Variants in PAK2 observed in about 807,000 individuals in gnomAD.
PAK2 encodes the protein p21 (RAC1) activated kinase 2.
A neutral mutation model predicts 65.9 loss-of-function variants in PAK2; 21 were observed. The ratio of observed to expected loss-of-function variants is 0.32; its 90% CI spans 0.23 to 0.46. The LOEUF is 0.46. PAK2 is among the 20% of genes least tolerant of loss of function. The pLI is 1.00. For missense variants in PAK2, 324 were observed against 642.6 expected, an observed-to-expected ratio of 0.50 and a Z score of 5.36; for synonymous variants, 204 against 219.7, an observed-to-expected ratio of 0.93 and a Z score of 0.63.
At chr3:196,787,504 G>T (rs113067994) in intron 2 of PAK2, among the ~76,000 whole-genome samples, 3,574 of 151,876 alleles carry the variant, frequency 0.024, 72 homozygotes, top group Non-Finnish European at 0.033. Context: ...GTGTGGACCC[G>T]GGAGGCAGAG....
intron 13 of PAK2, among the ~76,000 whole-genome samples, chr3:196,825,378 T>C (rs976584771): frequency 6.7e-5 from 10 of 148,310 alleles, no homozygotes; most frequent in Admixed American, 2.0e-4. Context: ...ATGCAGTGGC[T>C]CACACCTGTA....
intron 14 of PAK2, 141 bp downstream of exon 14, chr3:196,827,474 C>G: frequency 6.8e-7 from 1 of 1,477,334 alleles, no homozygotes; most frequent in South Asian, 1.4e-5. Flanking sequence ...AGGGTTTCAT[C>G]CTACCATGCT....
chr3:196,812,115 GTTCTTTAA>G, intron 8 of PAK2, 96 bp from the exon 9 acceptor site: 1 of 740,380 alleles, frequency 1.4e-6, no homozygotes, highest in South Asian at 1.5e-5. Context: ...AGGTCATCCT[GTTCTTTAA>G]TTCTTTTTCA....
At chr3:196,809,590 C>G (rs1029149329) in intron 7 of PAK2, among the ~76,000 whole-genome samples, 3 of 150,884 alleles carry the variant, frequency 2.0e-5, no homozygotes, top group African/African-American at 7.3e-5. Context: ...GCATGAGTCA[C>G]CACACCTGGC....
intron 2 of PAK2, among the ~76,000 whole-genome samples, chr3:196,795,553 A>G (rs1444884209): frequency 6.6e-6 from 1 of 152,140 alleles, no homozygotes; most frequent in Non-Finnish European, 1.5e-5. Flanking sequence ...CTCATTATAT[A>G]TATAGGACGA....
intron 13 of PAK2, among the ~76,000 whole-genome samples, chr3:196,825,595 A>T (rs187457662): frequency 2.1e-4 from 32 of 152,140 alleles, no homozygotes; most frequent in Admixed American, 3.3e-4. Flanking sequence ...TCGAGCTGAG[A>T]TCGTGCCATT....
In PAK2 at chr3:196,827,522, A is replaced by G. The variant is rs369749644; in HGVS notation, c.1488+189A>G. 17 of 731,166 alleles carry G rather than the reference A, an allele frequency of 2.3e-5. No homozygotes were observed. In the East Asian group the frequency reaches 9.2e-4, roughly 39 times the overall value. 45.3% of individuals were successfully genotyped at this position (731,166 alleles called of 1,614,324 possible). ...GCAAGGACAGAAAACCAAACACTGCATGTTCCCACTCATAGGTGGGAATTG... is the reference window on the plus strand; with the variant it reads ...GCAAGGACAGAAAACCAAACACTGCGTGTTCCCACTCATAGGTGGGAATTG... On this transcript the variant is annotated intron_variant, in intron 14 of 14. Coordinates refer to ENST00000327134, the MANE Select transcript of PAK2 (RefSeq NM_002577.4).
chr3:196,742,667 C>A (rs187152181), intron 1 of PAK2, among the ~76,000 whole-genome samples: 4,742 of 152,228 alleles, frequency 0.031, 126 homozygotes, highest in Non-Finnish European at 0.043. Context: ...GTAATCCCAG[C>A]ACTTTGGGAG....
chr3:196,820,441 C>T lies in PAK2; in HGVS notation c.1224C>T (p.Tyr408=), dbSNP rs1372584225. The part of the protein sequence containing the change: ...SKRSTMVGTP[Y]WMAPEVVTRK... ...GCAGTACCATGGTCGGAACGCCATA[C>T]TGGATGGCACCAGAGGTGGTTACAC... The change falls in exon 13 of 15, where the codon TAC becomes TAT. Residue 408 remains tyrosine, a synonymous_variant. Coordinates refer to ENST00000327134, the MANE Select transcript of PAK2 (RefSeq NM_002577.4). This position sits in a 1 kb window ranked among gnomAD's most constrained non-coding sequence, Gnocchi z 4.6. 6.2e-7 allele frequency: 1 copy of T among 1,613,128 alleles called. No individual in the cohort carries two copies. Among genetic ancestry groups the T allele is most frequent in the East Asian group, 2.2e-5 (1 of 44,860 alleles).
intron 8 of PAK2, 67 bp from the exon 9 acceptor site, chr3:196,812,152 T>A: frequency 1.1e-6 from 1 of 887,722 alleles, no homozygotes. Context: ...AAGTGTAAAG[T>A]CTTTGGATAT....
At chr3:196,744,454 A>G (rs1172278818) in intron 1 of PAK2, among the ~76,000 whole-genome samples, 1 of 152,170 alleles carries the variant, frequency 6.6e-6, no homozygotes, top group Non-Finnish European at 1.5e-5. Flanking sequence ...CAGGAGGATC[A>G]CCTGAGCTCA....
intron 2 of PAK2, among the ~76,000 whole-genome samples, chr3:196,792,071 G>A (rs187499744): frequency 6.6e-6 from 1 of 152,190 alleles, no homozygotes; most frequent in African/African-American, 2.4e-5. Context: ...GTGGGAAGCT[G>A]TGCTGACCTG....
At chr3:196,778,211 G>A (rs1208631225) in intron 1 of PAK2, among the ~76,000 whole-genome samples, 2 of 152,102 alleles carry the variant, frequency 1.3e-5, no homozygotes, top group Non-Finnish European at 2.9e-5. Flanking sequence ...CATCCATGTT[G>A]CAGCGTGTAT....
At chr3:196,805,759 T>A (rs1216941356) in intron 5 of PAK2, among the ~76,000 whole-genome samples, 1 of 152,156 alleles carries the variant, frequency 6.6e-6, no homozygotes, top group African/African-American at 2.4e-5. Context: ...TTGAACCTTG[T>A]CAGTCTTCAG....
At chr3:196,751,507 C>T (rs11718173) in intron 1 of PAK2, among the ~76,000 whole-genome samples, 63,781 of 148,432 alleles carry the variant, frequency 0.43, 14,796 homozygotes, top group Non-Finnish European at 0.53. Context: ...AATTAGCCAG[C>T]GTGGTGGCAC....
chr3:196,824,184 C>CT (rs1553810416), intron 13 of PAK2, among the ~76,000 whole-genome samples: 1 of 152,142 alleles, frequency 6.6e-6, no homozygotes, highest in African/African-American at 2.4e-5. Context: ...GAGGAAGAAA[C>CT]TAAGAAATAA....
At position 196,815,797 on chromosome 3, in the gene PAK2, A is replaced by AT. The variant is rs373219268; in HGVS notation, c.1053+1229_1053+1230insT. 1.1e-4 allele frequency among the ~76,000 whole-genome samples: 17 copies of AT among 151,960 alleles called. No individual in the cohort carries two copies. In the East Asian group the frequency reaches 3.3e-3, roughly 29 times the overall value. ...CAAGACTCCGTCTCAAAAAAAAAAA[A>AT]GAGAAAGAAATACGCCACTCAACCG... On this transcript the variant is annotated intron_variant, in intron 11 of 14. Coordinates refer to ENST00000327134, the MANE Select transcript of PAK2 (RefSeq NM_002577.4).
intron 1 of PAK2, among the ~76,000 whole-genome samples, chr3:196,764,359 T>C (rs1423633847): frequency 1.3e-5 from 2 of 152,060 alleles, no homozygotes; most frequent in African/African-American, 2.4e-5. Context: ...CTCACACCTA[T>C]AATCCCAGCA....
intron 1 of PAK2, among the ~76,000 whole-genome samples, chr3:196,757,526 G>C (rs1195874424): frequency 5.3e-5 from 8 of 152,002 alleles, no homozygotes; most frequent in African/African-American, 1.9e-4. Context: ...TTTTCTTTTA[G>C]ACCTTATTCT....
Sources: gnomAD v4.1 joint callset for allele counts (sites outside exome capture counted in the v4.1 genomes callset) on GRCh38, gnomAD v4.1.1 for gene constraint, Gnocchi (gnomAD v3.1) non-coding constraint, MANE v1.5 for transcripts, NCBI Gene and HGNC (gene_info 2026-07-23, HGNC 2026-07-21) for gene names.